The following PRKG1 variants were observed in gnomAD, a reference collection of about 807,000 sequenced individuals.
PRKG1 encodes cGMP-dependent protein kinase 1.
A neutral mutation model predicts 88.1 loss-of-function variants in PRKG1; 35 were observed. The ratio of observed to expected loss-of-function variants is 0.40; its 90% confidence interval spans 0.30 to 0.53. PRKG1 has a LOEUF of 0.53. PRKG1 is among the 20% of genes least tolerant of loss of function. The pLI is 0.59. For synonymous variants in PRKG1, 303 were observed against 292.5 expected (o/e 1.04, Z -0.37); for missense variants, 540 against 839.8 (o/e 0.64, Z 4.41).
intron 1 of PRKG1, among the ~76,000 whole-genome samples, chr10:51,098,186 C>G (rs1844589460): frequency 6.6e-6 from 1 of 152,160 alleles, no homozygotes; most frequent in African/African-American, 2.4e-5. Flanking sequence ...TGGCCCTTGA[C>G]ATGCAGCTGC....
At chr10:51,438,916 C>T (rs1207988677) in intron 2 of PRKG1, among the ~76,000 whole-genome samples, 1 of 151,428 alleles carries the variant, frequency 6.6e-6, no homozygotes, top group Admixed American at 6.6e-5. Context: ...TTTATTTACT[C>T]TGGGGAAATA....
intron 4 of PRKG1, among the ~76,000 whole-genome samples, chr10:51,879,275 G>GTAAC (rs2132875345): frequency 6.6e-6 from 1 of 152,304 alleles, no homozygotes; most frequent in East Asian, 1.9e-4. Context: ...ACTTTGCTAT[G>GTAAC]TAACTGTGCT....
chr10:51,648,523 A>T (rs1347725032), intron 3 of PRKG1, among the ~76,000 whole-genome samples: 1 of 152,120 alleles, frequency 6.6e-6, no homozygotes, highest in East Asian at 1.9e-4. Flanking sequence ...AACTCAGAGT[A>T]CTCACTAATC....
intron 2 of PRKG1, among the ~76,000 whole-genome samples, chr10:51,168,272 G>A (rs1846602893): frequency 6.6e-6 from 1 of 152,036 alleles, no homozygotes; most frequent in South Asian, 2.1e-4. Context: ...ATGGTGTGTG[G>A]TATAGCAGCA....
chr10:51,944,757 G>C (rs561309150), intron 5 of PRKG1, among the ~76,000 whole-genome samples: 2 of 152,158 alleles, frequency 1.3e-5, no homozygotes, highest in South Asian at 4.1e-4. Flanking sequence ...CCATGTAGTT[G>C]AGTGGTTTTG....
intron 2 of PRKG1, among the ~76,000 whole-genome samples, chr10:51,385,886 T>G (rs1837236317): frequency 1.3e-5 from 2 of 152,238 alleles, no homozygotes; most frequent in Non-Finnish European, 2.9e-5. Flanking sequence ...CTCCCTTCTA[T>G]TCTACTAATA....
At chr10:51,596,391 T>A (rs1838449549) in intron 3 of PRKG1, among the ~76,000 whole-genome samples, 1 of 152,210 alleles carries the variant, frequency 6.6e-6, no homozygotes, top group Non-Finnish European at 1.5e-5. Flanking sequence ...CTTCATTTAT[T>A]ACAGTCCATT....
chr10:52,191,098 A>G (rs1268255223), intron 9 of PRKG1, among the ~76,000 whole-genome samples: 2 of 152,142 alleles, frequency 1.3e-5, no homozygotes, highest in Non-Finnish European at 2.9e-5. Flanking sequence ...TATGTTGGTT[A>G]TGTCTCTTTA....
At chr10:52,244,836 AT>A (rs375231873) in intron 9 of PRKG1, among the ~76,000 whole-genome samples, 2 of 38,152 alleles carry the variant, frequency 5.2e-5, no homozygotes, top group South Asian at 2.6e-3. Context: ...ATATACTTTA[AT>A]ATATATTTAA....
intron 4 of PRKG1, among the ~76,000 whole-genome samples, chr10:51,848,669 T>TG (rs1840467799): frequency 7.0e-6 from 1 of 142,804 alleles, no homozygotes; most frequent in African/African-American, 2.7e-5. Context: ...GTGTGTGTGT[T>TG]TTATATTTTT....
intron 5 of PRKG1, among the ~76,000 whole-genome samples, chr10:51,935,478 A>G (rs1271462202): frequency 3.3e-5 from 5 of 152,110 alleles, no homozygotes; most frequent in Non-Finnish European, 7.4e-5. Flanking sequence ...AGGGCTTGAG[A>G]TAGGATAGAT....
intron 5 of PRKG1, among the ~76,000 whole-genome samples, chr10:51,915,863 T>G (rs577359246): frequency 6.6e-6 from 1 of 152,144 alleles, no homozygotes; most frequent in Non-Finnish European, 1.5e-5. Flanking sequence ...CTTAACATTA[T>G]TAGTCATTCG....
At chr10:51,082,389 G>T (rs927751912) in intron 1 of PRKG1, among the ~76,000 whole-genome samples, 4 of 152,082 alleles carry the variant, frequency 2.6e-5, no homozygotes, top group African/African-American at 9.7e-5. Context: ...GTAGGACGGC[G>T]GTTCCCAAAC....
chr10:51,938,978 C>A (rs1274491932), intron 5 of PRKG1, among the ~76,000 whole-genome samples: 2 of 152,024 alleles, frequency 1.3e-5, no homozygotes, highest in East Asian at 3.9e-4. Flanking sequence ...TGTGGATAGA[C>A]CCAGCAAGGA....
At chr10:51,543,056 A>G (rs575535521) in intron 3 of PRKG1, among the ~76,000 whole-genome samples, 1 of 152,314 alleles carries the variant, frequency 6.6e-6, no homozygotes, top group African/African-American at 2.4e-5. Flanking sequence ...ATGTATTACT[A>G]CACTGTGCGG....
At position 51,521,860 on chromosome 10, in the gene PRKG1, C is replaced by A. The variant is rs72795146; in HGVS notation, c.592+54024C>A. 3.4e-3 allele frequency among the ~76,000 whole-genome samples: 515 copies of A among 152,246 alleles called. 1 individual carries two copies. The highest frequency in any genetic ancestry group is 6.1e-3 in the Non-Finnish European group (412 of 68,004). On this transcript the variant is annotated intron_variant, in intron 3 of 17. Coordinates refer to ENST00000373980, the MANE Select transcript of PRKG1 (RefSeq NM_006258.4). ...TTTTTTAAGTTTCTCTTTTTATACTCTTCTGCATTTAACATAAGGCTGTGA... is the reference window on the plus strand; with the variant it reads ...TTTTTTAAGTTTCTCTTTTTATACTATTCTGCATTTAACATAAGGCTGTGA...
At chr10:51,103,911 C>T (rs1466247438) in intron 1 of PRKG1, among the ~76,000 whole-genome samples, 1 of 152,168 alleles carries the variant, frequency 6.6e-6, no homozygotes, top group Non-Finnish European at 1.5e-5. Flanking sequence ...AAACAAAATG[C>T]TCTTCAGAAA....
intron 4 of PRKG1, among the ~76,000 whole-genome samples, chr10:51,806,248 C>G (rs1158405066): frequency 6.6e-6 from 1 of 152,184 alleles, no homozygotes; most frequent in African/African-American, 2.4e-5. Flanking sequence ...GCGTTGGACA[C>G]TTACGATGTT....
intron 2 of PRKG1, among the ~76,000 whole-genome samples, chr10:51,325,317 A>G (rs1841561412): frequency 6.6e-6 from 1 of 152,044 alleles, no homozygotes; most frequent in African/African-American, 2.4e-5. Flanking sequence ...CTGGAGTACA[A>G]TGGTGTGATC....
Sources: gnomAD v4.1 joint callset for allele counts (sites outside exome capture counted in the v4.1 genomes callset) on GRCh38, gnomAD v4.1.1 for gene constraint, MANE v1.5 for transcripts, NCBI Gene and HGNC (gene_info 2026-07-23, HGNC 2026-07-21) for gene names.